Variants in MYCBP2 observed in about 807,000 individuals in gnomAD.
MYCBP2 encodes E3 ubiquitin-protein ligase MYCBP2.
A neutral mutation model predicts 525.3 loss-of-function variants in MYCBP2; 120 were observed. The observed-to-expected ratio is 0.23, with a 90% CI of 0.20 to 0.27. MYCBP2 has a LOEUF of 0.27. Ranked by LOEUF, MYCBP2 falls within the 10% of genes least tolerant of loss-of-function variation. The pLI is 1.00. For synonymous variants in MYCBP2, 1,894 were observed against 1,955.8 expected, an observed-to-expected ratio of 0.97 and a Z score of 0.83; for missense variants, 4,149 against 5,657.1, an observed-to-expected ratio of 0.73 and a Z score of 8.55.
At chr13:77,078,546 T>C (rs1416039921) in intron 66 of MYCBP2, among the ~76,000 whole-genome samples, 1 of 152,178 alleles carries the variant, frequency 6.6e-6, no homozygotes, top group Non-Finnish European at 1.5e-5. Flanking sequence ...AATTTTAAGA[T>C]ACCCTGAGTC....
At chr13:77,060,756 A>T (rs2039135086) in intron 76 of MYCBP2, among the ~76,000 whole-genome samples, 1 of 152,250 alleles carries the variant, frequency 6.6e-6, no homozygotes, top group Non-Finnish European at 1.5e-5. Context: ...ATATCATAAA[A>T]TCATACAACC....
chr13:77,064,620 T>C lies in MYCBP2; in HGVS notation c.12667A>G (p.Thr4223Ala). The C allele has an allele frequency of 6.2e-7, 1 of 1,609,134 alleles. No individual in the cohort carries two copies. Among genetic ancestry groups the C allele is most frequent in the Non-Finnish European group, 8.5e-7 (1 of 1,177,322 alleles). Residue 4223 changes from threonine to alanine, a missense_variant, in exon 73 of 83, where the codon ACT becomes GCT. Transcript: ENST00000544440. ...FRSPVRCIAT[T>A]RLWLALASLC... is the part of the protein sequence containing the mutation. ...CAAAACAAAGCAAAACCTACTCTAG[T>C]TGTTGCAATACATCTCACTGGAGAC...
chr13:77,305,913 T>C (rs2079362067), intron 1 of MYCBP2, among the ~76,000 whole-genome samples: 1 of 152,166 alleles, frequency 6.6e-6, no homozygotes, highest in South Asian at 2.1e-4. Flanking sequence ...ATAAAAAACC[T>C]ACTTTTAACA....
At chr13:77,169,736 A>G (rs770506093) in intron 38 of MYCBP2, 22 bp from the exon 39 acceptor site, 2 of 1,569,830 alleles carry the variant, frequency 1.3e-6, no homozygotes, top group Non-Finnish European at 1.8e-6. Context: ...CATAAAAGGC[A>G]TTAAAACTAT....
chr13:77,162,870 T>A (rs992158868), intron 43 of MYCBP2, among the ~76,000 whole-genome samples: 1 of 152,224 alleles, frequency 6.6e-6, no homozygotes, highest in Middle Eastern at 3.2e-3. Flanking sequence ...TTAGCCAGGA[T>A]GGTCTCAATT....
chr13:77,183,997 T>A (rs780976676), intron 32 of MYCBP2, among the ~76,000 whole-genome samples: 8 of 152,198 alleles, frequency 5.3e-5, no homozygotes, highest in Non-Finnish European at 8.8e-5. Flanking sequence ...TTTCATTGAT[T>A]TCTGCTCTTA....
At chr13:77,134,141 T>C (rs781327874) in intron 52 of MYCBP2, among the ~76,000 whole-genome samples, 1 of 151,988 alleles carries the variant, frequency 6.6e-6, no homozygotes, top group Non-Finnish European at 1.5e-5. Context: ...TCTGGACAAC[T>C]TAAGATTAGA....
Position 77,169,644 on chromosome 13 carries a change from G to A in MYCBP2, c.5865C>T (p.Tyr1955=). The part of the protein sequence containing the change: ...FSMLLPLIIA[Y]IGPVAAAIPK... Reference sequence around the variant, plus strand: ...GAATAGCAGCAGCTACTGGTCCTATGTAGGCTATAATAAGGGGGAGCAGCA... The same window carrying A: ...GAATAGCAGCAGCTACTGGTCCTATATAGGCTATAATAAGGGGGAGCAGCA... The change falls in exon 39 of 83, where the codon TAC becomes TAT. Residue 1955 remains tyrosine (Y), a synonymous_variant. Coordinates refer to ENST00000544440, the MANE Select transcript of MYCBP2 (RefSeq NM_015057.5). 1 of 1,613,880 alleles carries A rather than the reference G, an allele frequency of 6.2e-7. No homozygotes were observed.
chr13:77,188,901 G>A (rs1462246170), intron 30 of MYCBP2, 50 bp downstream of exon 30: 9 of 1,245,478 alleles, frequency 7.2e-6, no homozygotes, highest in South Asian at 2.9e-5. Flanking sequence ...ACATCAAAAT[G>A]TATCTGAGGA....
intron 55 of MYCBP2, among the ~76,000 whole-genome samples, chr13:77,112,910 T>C (rs186209407): frequency 4.7e-4 from 71 of 152,280 alleles, no homozygotes; most frequent in Non-Finnish European, 8.2e-4. Flanking sequence ...GTATCTTCTC[T>C]CTTAGTATCT....
chr13:77,128,361 C>T (rs568458764), intron 52 of MYCBP2, among the ~76,000 whole-genome samples: 1 of 151,796 alleles, frequency 6.6e-6, no homozygotes, highest in Non-Finnish European at 1.5e-5. Context: ...AAGCAAATAT[C>T]CATAGATTTA....
intron 45 of MYCBP2, 91 bp downstream of exon 45, chr13:77,157,846 T>C (rs2057397836): frequency 9.6e-6 from 10 of 1,037,926 alleles, no homozygotes; most frequent in Non-Finnish European, 1.3e-5. Flanking sequence ...TTTTTTAAAG[T>C]AGTATTTTAA....
At position 77,218,280 on chromosome 13, in the gene MYCBP2, G is replaced by A. The variant is rs557404673; in HGVS notation, c.2940-323C>T. On this transcript the variant is annotated intron_variant, in intron 20 of 82. Transcript: ENST00000544440. Reference sequence around the variant, plus strand: ...TCTGTATACTGACTGGCCTGTTAGAGATCTTTATAAATAATTATTGGATGA... The same window carrying A: ...TCTGTATACTGACTGGCCTGTTAGAAATCTTTATAAATAATTATTGGATGA... Among the ~76,000 whole-genome samples, 5 of 152,230 alleles carry A rather than the reference G, an allele frequency of 3.3e-5. No homozygotes were observed. The South Asian group carries it at 1.0e-3, about 32-fold the overall frequency.
At chr13:77,145,585 C>T (rs2055402201) in intron 48 of MYCBP2, among the ~76,000 whole-genome samples, 1 of 152,148 alleles carries the variant, frequency 6.6e-6, no homozygotes. Flanking sequence ...TCTGCTATCT[C>T]AGATTCACTT....
At chr13:77,173,815 G>A (rs1277116771) in intron 37 of MYCBP2, among the ~76,000 whole-genome samples, 1 of 152,114 alleles carries the variant, frequency 6.6e-6, no homozygotes, top group East Asian at 1.9e-4. Context: ...TTTACATAAG[G>A]AATGGTTTTT....
At chr13:77,289,676 C>T (rs764606737) in intron 2 of MYCBP2, among the ~76,000 whole-genome samples, 60 of 151,990 alleles carry the variant, frequency 3.9e-4, no homozygotes, top group Non-Finnish European at 2.1e-4. Flanking sequence ...CAACATTGTA[C>T]TGGATATCCT....
intron 26 of MYCBP2, among the ~76,000 whole-genome samples, chr13:77,194,666 T>C (rs1489348053): frequency 6.6e-6 from 1 of 152,044 alleles, no homozygotes; most frequent in Non-Finnish European, 1.5e-5. Context: ...TGGGACCTAG[T>C]TTCCTCATCC....
At chr13:77,288,896 G>T (rs1364117897) in intron 2 of MYCBP2, among the ~76,000 whole-genome samples, 1 of 152,128 alleles carries the variant, frequency 6.6e-6, no homozygotes, top group African/African-American at 2.4e-5. Flanking sequence ...GTAAACTGTA[G>T]ATGCTTCCCT....
At chr13:77,100,413 T>C (rs1019569732) in intron 55 of MYCBP2, 9 of 152,088 alleles carry the variant, frequency 5.9e-5, no homozygotes, top group African/African-American at 2.2e-4. Context: ...AGGTATTCAA[T>C]AAATATGTGT....
Sources: allele counts gnomAD v4.1 joint callset (sites outside exome capture counted in the v4.1 genomes callset), GRCh38; gene constraint gnomAD v4.1.1; transcripts MANE v1.5; gene names NCBI Gene and HGNC (gene_info 2026-07-23, HGNC 2026-07-21).